The following UPP2 variants were observed in gnomAD, a reference collection of about 807,000 sequenced individuals.
UPP2 encodes the protein UPase 2.
A neutral mutation model predicts 26.7 loss-of-function variants in UPP2; 23 were observed. The observed-to-expected ratio is 0.86, with a 90% CI of 0.62 to 1.22. UPP2 has a LOEUF of 1.22. Ranked by LOEUF, UPP2 falls within the 50% of genes most tolerant of loss-of-function variation. The pLI is 0.00. For synonymous variants in UPP2, 127 were observed against 141.3 expected (o/e 0.90, Z 0.72); for missense variants, 387 against 396.7 (o/e 0.98, Z 0.21).
At chr2:158,078,009 T>C (rs1428778691) in intron 3 of UPP2, among the ~76,000 whole-genome samples, 8 of 151,734 alleles carry the variant, frequency 5.3e-5, no homozygotes, top group Admixed American at 5.3e-4. Context: ...GAGATACAAA[T>C]AGCAAACAGG....
chr2:158,113,769 A>G (rs918550709), intron 2 of UPP2, among the ~76,000 whole-genome samples: 1 of 152,196 alleles, frequency 6.6e-6, no homozygotes, highest in Non-Finnish European at 1.5e-5. Context: ...CAGCCCTCCC[A>G]GTCCTCTGTC....
rs572066436 is a variant in UPP2 at position 158,067,390 on chromosome 2, G to A, written c.148-34650G>A. 1.7e-4 allele frequency among the ~76,000 whole-genome samples: 25 copies of A among 150,806 alleles called. 1 individual carries two copies. In the South Asian group the frequency reaches 5.2e-3, roughly 32 times the overall value. On this transcript the variant is annotated intron_variant, in intron 3 of 9. Coordinates refer to the UPP2 transcript ENST00000605860. ...ATCATCAAAAAAAAAAAAAAAGAGA[G>A]AGAGAGAAAAAGAAACAAACCAAAC...
chr2:158,107,817 A>C (rs957781532), intron 2 of UPP2, among the ~76,000 whole-genome samples: 30 of 151,332 alleles, frequency 2.0e-4, no homozygotes, highest in Non-Finnish European at 2.9e-4. Context: ...CCCTTTCTTC[A>C]CTCCTCTCCA....
At chr2:158,079,242 T>C (rs1682680514) in intron 3 of UPP2, among the ~76,000 whole-genome samples, 1 of 152,044 alleles carries the variant, frequency 6.6e-6, no homozygotes, top group African/African-American at 2.4e-5. Flanking sequence ...GACTAACACA[T>C]ACCCCATAAT....
At chr2:157,999,396 C>A (rs1172663069) in intron 2 of UPP2, among the ~76,000 whole-genome samples, 1 of 152,098 alleles carries the variant, frequency 6.6e-6, no homozygotes, top group Non-Finnish European at 1.5e-5. Flanking sequence ...CAGGCTGGTC[C>A]TGAACTCCTG....
Position 158,135,834 on chromosome 2 carries a change from T to C in UPP2, c.*944T>C, listed in dbSNP as rs974294186. 1.3e-5 allele frequency: 2 copies of C among 152,368 alleles called. No homozygotes were observed. Among genetic ancestry groups the C allele is most frequent in the African/African-American group, 4.8e-5 (2 of 41,448 alleles). 9.4% of individuals were successfully genotyped at this position (152,368 alleles called of 1,614,324 possible). ...TGATCGCATCTTGGGTTCTTCTCAA[T>C]TTGACATACTTGGGAGTCGGAATGA... On this transcript the variant is annotated 3_prime_UTR_variant, in exon 7 of 7. Transcript: ENST00000005756.
chr2:158,012,999 T>A (rs1482027599), intron 2 of UPP2, among the ~76,000 whole-genome samples: 2 of 151,792 alleles, frequency 1.3e-5, no homozygotes, highest in Admixed American at 6.6e-5. Flanking sequence ...GAATTTAAGC[T>A]ATTGTTATTA....
chr2:158,033,354 A>G (rs1487583426), intron 3 of UPP2, among the ~76,000 whole-genome samples: 1 of 152,000 alleles, frequency 6.6e-6, no homozygotes, highest in Non-Finnish European at 1.5e-5. Context: ...ACACTCACCT[A>G]CTCTCCTGCT....
At chr2:158,014,733 C>A (rs552749883) in intron 2 of UPP2, among the ~76,000 whole-genome samples, 1 of 152,190 alleles carries the variant, frequency 6.6e-6, no homozygotes, top group Admixed American at 6.6e-5. Flanking sequence ...CAAAAAGAGC[C>A]CCACCCAAAT....
At chr2:158,060,235 G>A (rs940061619) in intron 3 of UPP2, among the ~76,000 whole-genome samples, 12 of 152,180 alleles carry the variant, frequency 7.9e-5, no homozygotes, top group African/African-American at 2.4e-4. Context: ...CATATTACTT[G>A]TGACACTGTA....
At chr2:158,127,999 A>C in intron 6 of UPP2, 3 of 985,422 alleles carry the variant, frequency 3.0e-6, no homozygotes, top group Non-Finnish European at 3.6e-6. Flanking sequence ...AAACATTCTG[A>C]TGAAAGATGA....
At chr2:157,999,134 T>C (rs1345037538) in intron 2 of UPP2, among the ~76,000 whole-genome samples, 2 of 152,214 alleles carry the variant, frequency 1.3e-5, no homozygotes, top group Admixed American at 6.5e-5. Context: ...ATATTGTATT[T>C]TTCAACTCTA....
At chr2:158,133,325 CATGGAAG>C (rs1350433798) in intron 6 of UPP2, among the ~76,000 whole-genome samples, 7 of 152,068 alleles carry the variant, frequency 4.6e-5, no homozygotes, top group Non-Finnish European at 1.5e-5. Context: ...AAATCAAACT[CATGGAAG>C]TAGAGAGTAG....
At chr2:158,006,643 C>T (rs1683494110) in intron 2 of UPP2, among the ~76,000 whole-genome samples, 1 of 152,152 alleles carries the variant, frequency 6.6e-6, no homozygotes, top group Non-Finnish European at 1.5e-5. Flanking sequence ...AGGGACCATT[C>T]ACTTGAATTA....
chr2:158,117,310 A>C (rs1266179237), intron 3 of UPP2, among the ~76,000 whole-genome samples: 1 of 152,052 alleles, frequency 6.6e-6, no homozygotes, highest in Non-Finnish European at 1.5e-5. Context: ...TAAAATTGTT[A>C]AGTGGGGAAT....
At chr2:158,003,002 C>G (rs1683432809) in intron 2 of UPP2, among the ~76,000 whole-genome samples, 2 of 151,970 alleles carry the variant, frequency 1.3e-5, no homozygotes, top group South Asian at 4.2e-4. Flanking sequence ...AACTGCTGGT[C>G]CAGGTTAAGA....
intron 1 of UPP2, among the ~76,000 whole-genome samples, chr2:158,102,395 C>T (rs1054963084): frequency 6.6e-6 from 1 of 152,076 alleles, no homozygotes; most frequent in African/African-American, 2.4e-5. Context: ...TTTAGCCAAC[C>T]TTCAGTAGTA....
chr2:158,123,050 A>C (rs1175592550), intron 5 of UPP2, among the ~76,000 whole-genome samples: 1 of 152,232 alleles, frequency 6.6e-6, no homozygotes, highest in African/African-American at 2.4e-5. Context: ...GCTTGAATCC[A>C]GGTCTTCTCA....
At chr2:158,098,522 G>A, upstream of UPP2, among the ~76,000 whole-genome samples, 1 of 152,160 alleles carries the variant, frequency 6.6e-6, no homozygotes, top group African/African-American at 2.4e-5. Flanking sequence ...AGTAGCCACA[G>A]GTCCCTTATG....
Sources: allele counts gnomAD v4.1 joint callset (sites outside exome capture counted in the v4.1 genomes callset), GRCh38; gene constraint gnomAD v4.1.1; transcripts MANE v1.5; gene names NCBI Gene and HGNC (gene_info 2026-07-23, HGNC 2026-07-21).